The following ASPHD1 variants were observed in gnomAD, a reference collection of about 807,000 sequenced individuals.
The protein encoded by ASPHD1 is aspartate beta-hydroxylase domain containing 1, also known as aspartate beta-hydroxylase domain-containing protein 1.
A neutral mutation model predicts 28.3 loss-of-function variants in ASPHD1; 20 were observed. The ratio of observed to expected loss-of-function variants is 0.71; its 90% CI spans 0.50 to 1.03. The LOEUF (loss-of-function observed/expected upper bound fraction) is 1.03, where lower values mean the gene tolerates loss of function less well. Among genes scored for constraint, ASPHD1 ranks in the 50% least tolerant of loss-of-function variants. The probability of loss-of-function intolerance (pLI) is 0.00; values close to 1 mark genes in which losing one functional copy is unlikely to be tolerated. For synonymous variants in ASPHD1, 240 were observed against 221.2 expected (o/e 1.08, Z -0.75); for missense variants, 479 against 524.1 (o/e 0.91, Z 0.84).
chr16:29,901,869 C>T lies in ASPHD1; in HGVS notation c.898C>T (p.Arg300Trp), dbSNP rs767775123. Residue 300 changes from arginine to tryptophan, a missense_variant, in exon 1 of 3, where the codon CGG (arginine) becomes TGG (tryptophan). Transcript: ENST00000308748. The surrounding 1 kb of genome is among the most constrained non-coding windows in gnomAD (Gnocchi z 5.1). The part of the protein sequence containing the change: ...AGFSVLLPGA[R>W]LEGRCGPTNA... Reference sequence around the variant, plus strand: ...CTTTTCCGTTCTCCTGCCTGGGGCCCGGCTCGAGGGCCGCTGTGGGCCCAC... The same window carrying T: ...CTTTTCCGTTCTCCTGCCTGGGGCCTGGCTCGAGGGCCGCTGTGGGCCCAC... 7 of 1,532,602 alleles carry T rather than the reference C, an allele frequency of 4.6e-6. No individual in the cohort carries two copies. Among genetic ancestry groups the T allele is most frequent in the South Asian group, 3.8e-5 (3 of 78,860 alleles). 94.9% of individuals were successfully genotyped at this position (1,532,602 alleles called of 1,614,324 possible).
chr16:29,917,076 G>C (rs2068823039), intron 3 of ASPHD1, among the ~76,000 whole-genome samples: 1 of 152,162 alleles, frequency 6.6e-6, no homozygotes, highest in African/African-American at 2.4e-5. Flanking sequence ...TTTCTGCAAT[G>C]TCCTATTGGT....
downstream of ASPHD1, among the ~76,000 whole-genome samples, chr16:29,907,732 G>A (rs749447214): frequency 5.3e-5 from 8 of 152,034 alleles, no homozygotes; most frequent in Non-Finnish European, 7.3e-5. Flanking sequence ...AGGTTGCAGT[G>A]AGCCAAGATT....
intron 3 of ASPHD1, among the ~76,000 whole-genome samples, chr16:29,917,599 G>A (rs1008532238): frequency 5.9e-5 from 9 of 152,058 alleles, no homozygotes; most frequent in African/African-American, 1.7e-4. Flanking sequence ...GGCCAACGTC[G>A]TGAAACCCCA....
intron 2 of ASPHD1, 129 bp from the exon 3 acceptor site, chr16:29,905,655 ATTTG>A: frequency 3.3e-6 from 1 of 303,040 alleles, no homozygotes; most frequent in South Asian, 5.1e-5. Flanking sequence ...AAAAAAAAAG[ATTTG>A]ATACATTTAA....
chr16:29,904,815 A>C, intron 1 of ASPHD1, 37 bp from the exon 2 acceptor site: 2 of 1,451,202 alleles, frequency 1.4e-6, no homozygotes, highest in Non-Finnish European at 1.9e-6. Flanking sequence ...CCTGGGATGG[A>C]GGCAGGAGTG....
chr16:29,911,797 C>T lies in ASPHD1; in HGVS notation c.*62+5838C>T, dbSNP rs201031864. The T allele has an allele frequency of 4.4e-4, 703 of 1,612,062 alleles. 4 individuals carry two copies. In the African/African-American group the frequency reaches 8.4e-3, roughly 19 times the overall value. ...GCATCCCAGGGTCCCGCCCAGTGCC[C>T]CGCACCCCGGCGGTCACCTGGTGTA... On this transcript the variant is annotated intron_variant and NMD_transcript_variant, in intron 3 of 3. Coordinates refer to the ASPHD1 transcript ENST00000414952.
downstream of ASPHD1, chr16:29,907,143 C>A: frequency 6.7e-7 from 1 of 1,496,254 alleles, no homozygotes; most frequent in Middle Eastern, 1.8e-4. Flanking sequence ...CTCCTTCCTT[C>A]TGGTGCAGTC....
intron 1 of ASPHD1, among the ~76,000 whole-genome samples, chr16:29,903,367 A>G (rs2068572031): frequency 6.6e-6 from 1 of 151,830 alleles, no homozygotes; most frequent in Admixed American, 6.6e-5. Context: ...AAAAACAAGA[A>G]AAAAAAATTG....
chr16:29,901,087 T>C lies in ASPHD1; in HGVS notation c.116T>C (p.Met39Thr). Residue 39 changes from methionine (M) to threonine (T), a missense_variant, in exon 1 of 3, where the codon ATG (methionine) becomes ACG (threonine). Coordinates refer to ENST00000308748, the MANE Select transcript of ASPHD1 (RefSeq NM_181718.4). The surrounding 1 kb of genome is among the most constrained non-coding windows in gnomAD (Gnocchi z 5.1). ...CCAGCGGGGAGCCAGGGGGCAGCCA[T>C]GGAAGGGACAGGTGGGGAGCTGGGG... ...NSPAGSQGAA[M>T]EGTGGELGGQ... 1 of 1,590,392 alleles carries C rather than the reference T, an allele frequency of 6.3e-7. No individual in the cohort carries two copies. The highest frequency in any genetic ancestry group is 8.5e-7 in the Non-Finnish European group (1 of 1,170,288).
chr16:29,912,103 C>T (rs991944529), intron 3 of ASPHD1: 1 of 1,249,300 alleles, frequency 8.0e-7, no homozygotes, highest in African/African-American at 1.5e-5. Context: ...ACGTACTCCC[C>T]CACTTAAAAG....
rs908099880 is a variant in ASPHD1, at chr16:29,900,649, C to T, written c.-323C>T. On this transcript the variant is annotated 5_prime_UTR_variant, in exon 1 of 3. Transcript: ENST00000308748. ...CCGCAGGGTCGGGGCTAGTGAGGAG[C>T]GAGGGCAAGGAGAGAGCAGTGAGGC... 2.3e-6 allele frequency: 1 copy of T among 429,884 alleles called. No individual in the cohort carries two copies. Among genetic ancestry groups the T allele is most frequent in the Non-Finnish European group, 4.2e-6 (1 of 237,200 alleles). 26.6% of individuals were successfully genotyped at this position (429,884 alleles called of 1,614,324 possible). A position where few individuals can be genotyped will look rare whatever the true frequency, so the allele number is the denominator to read the frequency against.
intron 3 of ASPHD1, chr16:29,911,700 G>T: frequency 9.1e-7 from 1 of 1,101,068 alleles, no homozygotes; most frequent in Non-Finnish European, 1.3e-6. Flanking sequence ...GAATCTGCGA[G>T]CAGGCACAGA....
At chr16:29,908,204 T>C (rs2150832428), downstream of ASPHD1, among the ~76,000 whole-genome samples, 1 of 151,926 alleles carries the variant, frequency 6.6e-6, no homozygotes, top group Non-Finnish European at 1.5e-5. Context: ...GTGAGAGCTG[T>C]GGGTCAGGAG....
chr16:29,903,468 G>A (rs115597269), intron 1 of ASPHD1, among the ~76,000 whole-genome samples: 1,663 of 152,050 alleles, frequency 0.011, 32 homozygotes, highest in African/African-American at 0.037. Flanking sequence ...GTGAGCCACC[G>A]CACCTGGCAC....
At position 29,901,741 on chromosome 16, in the gene ASPHD1, C is replaced by A; in HGVS notation, c.770C>A (p.Ala257Glu). The change falls in exon 1 of 3, where the codon GCA becomes GAA. Residue 257 changes from alanine (A) to glutamate (E), a missense_variant. Physicochemically the swap from Ala to Glu is moderately radical, Grantham distance 107 (BLOSUM62 -1). Transcript: ENST00000308748. The surrounding 1 kb of genome is among the most constrained non-coding windows in gnomAD (Gnocchi z 5.1). The stretch of plus-strand genomic sequence containing the variant: ...TGCTACCAGCTCCTGCTGTACCAAG[C>A]AGGCCGGTGCCAACCCAGCAACTGC... ...PGCYQLLLYQ[A>E]GRCQPSNCRR... 1 of 1,552,894 alleles carries A rather than the reference C, an allele frequency of 6.4e-7. No individual in the cohort carries two copies. The highest frequency in any genetic ancestry group is 2.0e-5 in the Admixed American group (1 of 49,924).
At chr16:29,906,778 G>T, downstream of ASPHD1, 1 of 1,100,298 alleles carries the variant, frequency 9.1e-7, no homozygotes, top group Non-Finnish European at 1.3e-6. Context: ...CCCACGACTT[G>T]GCCAGCAGAG....
In ASPHD1 at chr16:29,900,853, A is replaced by G. The variant is rs974751509; in HGVS notation, c.-119A>G. On this transcript the variant is annotated 5_prime_UTR_variant, in exon 1 of 3. Transcript: ENST00000308748. The stretch of plus-strand genomic sequence containing the variant: ...AGGTGGGAGAGAGAAGCAGAGCGAG[A>G]GAGAGGAGGCTGCTGGAAGGAGAAA... The G allele has an allele frequency of 4.6e-6, 4 of 872,486 alleles. No individual in the cohort carries two copies. In the African/African-American group the frequency reaches 6.8e-5, roughly 15 times the overall value. 54.0% of individuals were successfully genotyped at this position (872,486 alleles called of 1,614,324 possible).
chr16:29,901,786 AT>A lies in ASPHD1; in HGVS notation c.816del (p.Arg273GlyfsTer3). 1.3e-6 allele frequency: 2 copies of A among 1,560,446 alleles called. No homozygotes were observed. The highest frequency in any genetic ancestry group is 1.7e-6 in the Non-Finnish European group (2 of 1,152,600). On this transcript the variant is annotated frameshift_variant, in exon 1 of 3. Transcript: ENST00000308748. LOFTEE classifies it high-confidence loss of function. This position sits in a 1 kb window ranked among gnomAD's most constrained non-coding sequence, Gnocchi z 5.1. ...AACTGCCGCCGGTGCCCGGGGGCCT[AT>A]CGGGCACTGAGGGGGCTTCGAAGCT... ...PSNCRRCPGAYRALRGLRSFM... is the reference protein window; with the variant it reads ...PSNCRRCPGAXRALRGLRSFM...
intron 1 of ASPHD1, among the ~76,000 whole-genome samples, chr16:29,902,284 C>T (rs1330112504): frequency 6.6e-6 from 1 of 152,154 alleles, no homozygotes; most frequent in Non-Finnish European, 1.5e-5. Context: ...AAACAATTAG[C>T]CGGGCGCGGT....
Sources: gnomAD v4.1 joint callset for allele counts (sites outside exome capture counted in the v4.1 genomes callset) on GRCh38, gnomAD v4.1.1 for gene constraint, Gnocchi (gnomAD v3.1) non-coding constraint, MANE v1.5 for transcripts, NCBI Gene and HGNC (gene_info 2026-07-23, HGNC 2026-07-21) for gene names.